MTCL1: variants seen among roughly 807,000 people sequenced by gnomAD.
MTCL1 encodes microtubule cross-linking factor 1.
Under a neutral mutation model 141.4 loss-of-function variants are expected in MTCL1, and 79 were observed. The ratio of observed to expected loss-of-function variants is 0.56; its 90% confidence interval spans 0.47 to 0.67. MTCL1 has a LOEUF of 0.67. Among genes scored for constraint, MTCL1 ranks in the 30% least tolerant of loss-of-function variants. The pLI, the probability that MTCL1 is intolerant of heterozygous loss-of-function variation, is 0.00. For synonymous variants in MTCL1, 914 were observed against 875.8 expected (o/e 1.04, Z -0.77); for missense variants, 2,177 against 2,113.9 (o/e 1.03, Z -0.59).
At chr18:8,737,175 C>T (rs938642707) in intron 4 of MTCL1, among the ~76,000 whole-genome samples, 1 of 152,204 alleles carries the variant, frequency 6.6e-6, no homozygotes, top group African/African-American at 2.4e-5. Context: ...GACATTCACA[C>T]ACAGGACGCT....
chr18:8,732,387 C>T (rs1012531742), intron 4 of MTCL1, among the ~76,000 whole-genome samples: 1 of 152,082 alleles, frequency 6.6e-6, no homozygotes, highest in African/African-American at 2.4e-5. Flanking sequence ...TTTGGGATTA[C>T]AGGGGTGAGC....
chr18:8,764,303 G>A (rs2096448133), intron 4 of MTCL1, among the ~76,000 whole-genome samples: 1 of 151,854 alleles, frequency 6.6e-6, no homozygotes, highest in Non-Finnish European at 1.5e-5. Flanking sequence ...CTTTATATAA[G>A]GAAGGTACTA....
At chr18:8,736,612 T>C (rs1233261816) in intron 4 of MTCL1, among the ~76,000 whole-genome samples, 1 of 151,590 alleles carries the variant, frequency 6.6e-6, no homozygotes, top group East Asian at 1.9e-4. Context: ...CCATCATACA[T>C]TGGGGGCCTT....
intron 4 of MTCL1, among the ~76,000 whole-genome samples, chr18:8,725,790 C>CTTTTTTTTTTTTTTTT (rs796484848): frequency 4.9e-4 from 30 of 61,070 alleles, no homozygotes; most frequent in Admixed American, 8.3e-4. Context: ...TTTTTTTTTT[C>CTTTTTTTTTTTTTTTT]TTTTTTTTTT....
At chr18:8,820,819 C>CA (rs1247022560) in intron 13 of MTCL1, among the ~76,000 whole-genome samples, 1 of 152,090 alleles carries the variant, frequency 6.6e-6, no homozygotes, top group Non-Finnish European at 1.5e-5. Context: ...TACTGTTAGT[C>CA]AGAGTCTTGC....
Position 8,822,609 on chromosome 18 carries a change from A to G in MTCL1, c.3188+1111A>G, listed in dbSNP as rs2076882445. On this transcript the variant is annotated intron_variant, in intron 14 of 16. Transcript: ENST00000359865. The surrounding 1 kb of genome is among the most constrained non-coding windows in gnomAD (Gnocchi z 4.6). Reference sequence around the variant, plus strand: ...CCCAGCCCAAACTGCCTGGGTTTGAATCGCTTCTGCCTCCTTGGGTAGGTT... The same window carrying G: ...CCCAGCCCAAACTGCCTGGGTTTGAGTCGCTTCTGCCTCCTTGGGTAGGTT... Among the ~76,000 whole-genome samples the G allele has an allele frequency of 6.6e-6, 1 of 152,136 alleles. No individual in the cohort carries two copies.
intron 4 of MTCL1, 137 bp from the exon 4 acceptor site, chr18:8,777,696 C>T: frequency 4.2e-6 from 3 of 708,040 alleles, no homozygotes; most frequent in Non-Finnish European, 2.4e-6. Context: ...AACAAATTTA[C>T]ACAAGTTGTT....
intron 4 of MTCL1, among the ~76,000 whole-genome samples, chr18:8,755,773 G>A (rs1305917685): frequency 1.3e-5 from 2 of 152,210 alleles, no homozygotes; most frequent in Non-Finnish European, 2.9e-5. Flanking sequence ...TGGTTTTGGA[G>A]GTTATACAGT....
At chr18:8,739,108 G>A (rs2096288387) in intron 4 of MTCL1, among the ~76,000 whole-genome samples, 3 of 152,070 alleles carry the variant, frequency 2.0e-5, no homozygotes, top group Admixed American at 2.0e-4. Context: ...AGCCAGGTGT[G>A]GTGACATGTA....
intron 4 of MTCL1, among the ~76,000 whole-genome samples, chr18:8,734,413 C>A (rs1490479367): frequency 6.6e-6 from 1 of 152,124 alleles, no homozygotes; most frequent in Non-Finnish European, 1.5e-5. Context: ...TCCCTTCTTA[C>A]TGTCTCAGGT....
chr18:8,777,792 G>C, intron 4 of MTCL1, 41 bp from the exon 4 acceptor site: 1 of 1,597,240 alleles, frequency 6.3e-7, no homozygotes, highest in Non-Finnish European at 8.6e-7. Flanking sequence ...GCTATCACGT[G>C]TGAGCCCTTG....
chr18:8,734,084 G>T (rs1225657066), intron 4 of MTCL1, among the ~76,000 whole-genome samples: 1 of 152,072 alleles, frequency 6.6e-6, no homozygotes, highest in Non-Finnish European at 1.5e-5. Context: ...TGAGTAATCT[G>T]CTTGGAGCAG....
At chr18:8,802,314 C>G (rs924342238) in intron 10 of MTCL1, 1 of 152,226 alleles carries the variant, frequency 6.6e-6, no homozygotes, top group Non-Finnish European at 1.5e-5. Flanking sequence ...TATTTTGTGA[C>G]TGGCGTTTTG....
chr18:8,824,928 C>A, exon 15 of MTCL1: 2 of 1,613,690 alleles, frequency 1.2e-6, no homozygotes, highest in South Asian at 1.1e-5. Context: ...CGAGGTGGGG[C>A]GGGCAGGGCA....
intron 4 of MTCL1, among the ~76,000 whole-genome samples, chr18:8,742,034 C>T: frequency 7.3e-6 from 1 of 136,512 alleles, no homozygotes; most frequent in South Asian, 2.5e-4. Context: ...AGCTCTAATG[C>T]AGGGCAAAAA....
At chr18:8,772,388 C>T (rs1217918550) in intron 4 of MTCL1, among the ~76,000 whole-genome samples, 2 of 152,076 alleles carry the variant, frequency 1.3e-5, no homozygotes, top group Non-Finnish European at 2.9e-5. Flanking sequence ...TTTTCTCTGA[C>T]GTCTTTAAAA....
rs1305322157 is a variant in MTCL1 at position 8,830,689 on chromosome 18, T to C, written c.*19-918T>C. 1.0e-6 allele frequency: 1 copy of C among 985,402 alleles called. No homozygotes were observed. The highest frequency in any genetic ancestry group is 1.2e-6 in the Non-Finnish European group (1 of 829,962). The allele number at this position is 985,402 out of a possible 1,614,324, so 61.0% of individuals were successfully genotyped here. Reference sequence around the variant, plus strand: ...CATTCAGTTCACCTCAAGCTTCCAGTGTCTGAGTGTCATTCCAGCCAGCGG... The same window carrying C: ...CATTCAGTTCACCTCAAGCTTCCAGCGTCTGAGTGTCATTCCAGCCAGCGG... On this transcript the variant is annotated intron_variant, in intron 16 of 16. Coordinates refer to ENST00000359865, the Ensembl canonical transcript of MTCL1. This position sits in a 1 kb window ranked among gnomAD's most constrained non-coding sequence, Gnocchi z 6.4.
intron 4 of MTCL1, among the ~76,000 whole-genome samples, chr18:8,767,062 A>G (rs1025155790): frequency 6.6e-6 from 1 of 152,176 alleles, no homozygotes; most frequent in Non-Finnish European, 1.5e-5. Context: ...GCCTAATTAA[A>G]TAATCTGTAG....
At chr18:8,819,156 C>T (rs367943286) in exon 13 of MTCL1, 9 of 1,614,074 alleles carry the variant, frequency 5.6e-6, no homozygotes, top group African/African-American at 5.3e-5. Context: ...GACAGGTGCT[C>T]GGCCAGTGAG....
Sources: allele counts gnomAD v4.1 joint callset (sites outside exome capture counted in the v4.1 genomes callset), GRCh38; gene constraint gnomAD v4.1.1; non-coding constraint Gnocchi (gnomAD v3.1); transcripts MANE v1.5; gene names NCBI Gene and HGNC (gene_info 2026-07-23, HGNC 2026-07-21).